Variants in SLC10A7 observed in about 807,000 individuals in gnomAD.
The protein encoded by SLC10A7 is sodium/bile acid cotransporter 7.
In SLC10A7, 29 loss-of-function variants were observed where a neutral mutation model predicts 43.2. That is an observed-to-expected ratio of 0.67 (90% CI 0.50 to 0.92). The LOEUF is 0.92. Among genes scored for constraint, SLC10A7 ranks in the 40% least tolerant of loss-of-function variants. SLC10A7 has a pLI of 0.00. For missense variants in SLC10A7, 295 were observed against 403.2 expected (o/e 0.73, Z 2.30); for synonymous variants, 152 against 144.8 (o/e 1.05, Z -0.35).
chr4:146,334,914 A>G (rs976787055), intron 5 of SLC10A7, among the ~76,000 whole-genome samples: 1 of 152,032 alleles, frequency 6.6e-6, no homozygotes, highest in Non-Finnish European at 1.5e-5. Context: ...GGAAGGGGAA[A>G]GTCAGTGATT....
intron 10 of SLC10A7, among the ~76,000 whole-genome samples, chr4:146,268,455 T>C (rs551307485): frequency 2.0e-5 from 3 of 152,288 alleles, no homozygotes; most frequent in South Asian, 4.1e-4. Flanking sequence ...GAGAGCATTA[T>C]TCATGTTCTA....
rs201948152 is a variant in SLC10A7, at chr4:146,294,038, T to C, written c.613A>G (p.Ile205Val). 6.5e-4 allele frequency: 1,055 copies of C among 1,611,170 alleles called. 12 individuals are homozygous for C. The South Asian group carries it at 7.9e-3, about 12-fold the overall frequency. ...LERKKPPFGAISSSVLLMIIY... is the reference protein window; with the variant it reads ...LERKKPPFGAVSSSVLLMIIY... ...ATCATGAGGAGTACACTGCTGCTGA[T>C]AGCACCAAAAGGAGGCTTCTTTCTC... Residue 205 changes from isoleucine (I) to valine (V), a missense_variant, in exon 8 of 12, where the codon ATC (isoleucine) becomes GTC (valine). Physicochemically the swap from Ile to Val is conservative, Grantham distance 29. Around this residue, in one of 2 missense-constraint regions of SLC10A7, gnomAD observed 242 missense variants for 362.5 expected, o/e 0.67. Transcript: ENST00000335472.
intron 4 of SLC10A7, among the ~76,000 whole-genome samples, chr4:146,501,393 T>G (rs767601108): frequency 3.3e-5 from 5 of 152,182 alleles, no homozygotes; most frequent in Non-Finnish European, 5.9e-5. Context: ...CCTTTCTCCT[T>G]CAGGGCACAT....
At chr4:146,282,540 A>G (rs975164715) in intron 10 of SLC10A7, among the ~76,000 whole-genome samples, 2 of 152,158 alleles carry the variant, frequency 1.3e-5, no homozygotes, top group Non-Finnish European at 2.9e-5. Flanking sequence ...AATGACTTTT[A>G]ATGACTAAAA....
chr4:146,416,222 C>CTCCAAACCCT (rs11283376), intron 5 of SLC10A7, among the ~76,000 whole-genome samples: 26 of 151,974 alleles, frequency 1.7e-4, no homozygotes, highest in African/African-American at 6.0e-4. Flanking sequence ...GAGGCAAAAA[C>CTCCAAACCCT]TCAGTAGGGT....
chr4:146,496,279 G>A (rs551236659), intron 4 of SLC10A7, among the ~76,000 whole-genome samples: 5 of 152,230 alleles, frequency 3.3e-5, no homozygotes, highest in South Asian at 4.1e-4. Flanking sequence ...GCACTAGATT[G>A]TCAGGTCTCA....
intron 6 of SLC10A7, among the ~76,000 whole-genome samples, chr4:146,308,382 T>C (rs561877597): frequency 1.3e-5 from 2 of 152,280 alleles, no homozygotes; most frequent in East Asian, 3.9e-4. Flanking sequence ...GGGAAGTTTC[T>C]GATGCTATGA....
At chr4:146,259,732 G>C (rs1242014052) in intron 10 of SLC10A7, among the ~76,000 whole-genome samples, 3 of 152,204 alleles carry the variant, frequency 2.0e-5, no homozygotes, top group Non-Finnish European at 4.4e-5. Context: ...GCTGCCTATA[G>C]AGCATAATTT....
At chr4:146,274,256 T>A (rs1003894113) in intron 10 of SLC10A7, among the ~76,000 whole-genome samples, 6 of 147,366 alleles carry the variant, frequency 4.1e-5, no homozygotes, top group South Asian at 2.1e-4. Flanking sequence ...CAGGCTGGAG[T>A]GCAGTGCCAT....
In SLC10A7 at chr4:146,418,068, G is replaced by C. The variant is rs1026084306; in HGVS notation, c.435+24715C>G. Reference sequence around the variant, plus strand: ...ATGATCCACAGAAAAGAATAGGGGAGGAAAAGAGATTGAGACCCCACATAA... The same window carrying C: ...ATGATCCACAGAAAAGAATAGGGGACGAAAAGAGATTGAGACCCCACATAA... On this transcript the variant is annotated intron_variant, in intron 5 of 11. Coordinates refer to ENST00000335472, the MANE Select transcript of SLC10A7 (RefSeq NM_001029998.6). Among the ~76,000 whole-genome samples, 4 of 151,936 alleles carry C rather than the reference G, an allele frequency of 2.6e-5. No individual in the cohort carries two copies. In the South Asian group the frequency reaches 8.3e-4, roughly 32 times the overall value.
chr4:146,446,056 C>T (rs1731047700), intron 4 of SLC10A7, among the ~76,000 whole-genome samples: 1 of 152,000 alleles, frequency 6.6e-6, no homozygotes, highest in Non-Finnish European at 1.5e-5. Context: ...GGCCGTGGGT[C>T]CAGGCTTGAG....
At chr4:146,346,229 A>C (rs1734614004) in intron 5 of SLC10A7, among the ~76,000 whole-genome samples, 1 of 152,218 alleles carries the variant, frequency 6.6e-6, no homozygotes, top group Admixed American at 6.5e-5. Flanking sequence ...GTGTGGAATA[A>C]GTTCTGAAAT....
At chr4:146,406,388 A>G (rs1020197359) in intron 5 of SLC10A7, among the ~76,000 whole-genome samples, 3 of 152,170 alleles carry the variant, frequency 2.0e-5, no homozygotes, top group African/African-American at 4.8e-5. Flanking sequence ...CTGAATACCT[A>G]ATATATAAAC....
At chr4:146,402,523 C>T (rs1739291842) in intron 5 of SLC10A7, among the ~76,000 whole-genome samples, 1 of 152,114 alleles carries the variant, frequency 6.6e-6, no homozygotes, top group Admixed American at 6.5e-5. Context: ...GTCCTAACTG[C>T]TTCCTCAGCC....
At chr4:146,377,767 G>T (rs1173475168) in intron 5 of SLC10A7, among the ~76,000 whole-genome samples, 1 of 152,110 alleles carries the variant, frequency 6.6e-6, no homozygotes, top group Non-Finnish European at 1.5e-5. Flanking sequence ...CTCCACAAGG[G>T]CAGAGTCTGC....
At chr4:146,394,601 A>G (rs1738678598) in intron 5 of SLC10A7, among the ~76,000 whole-genome samples, 1 of 152,104 alleles carries the variant, frequency 6.6e-6, no homozygotes, top group African/African-American at 2.4e-5. Context: ...AGCTCAGGCA[A>G]TTCATCCGCC....
At chr4:146,328,540 G>T (rs1359607235) in intron 5 of SLC10A7, among the ~76,000 whole-genome samples, 1 of 152,076 alleles carries the variant, frequency 6.6e-6, no homozygotes, top group Admixed American at 6.5e-5. Context: ...ACAGTGTTGG[G>T]ACTCACTCTG....
chr4:146,398,338 C>A (rs190424953), intron 5 of SLC10A7, among the ~76,000 whole-genome samples: 49 of 152,242 alleles, frequency 3.2e-4, no homozygotes, highest in Admixed American at 6.5e-4. Context: ...GAATGTGTGG[C>A]ATCCATTATA....
chr4:146,404,962 T>TA (rs935864579), intron 5 of SLC10A7, among the ~76,000 whole-genome samples: 1 of 152,200 alleles, frequency 6.6e-6, no homozygotes, highest in African/African-American at 2.4e-5. Context: ...CCATCTCGCC[T>TA]AACCAGTGCA....
Sources: gnomAD v4.1 joint callset for allele counts (sites outside exome capture counted in the v4.1 genomes callset) on GRCh38, gnomAD v4.1.1 for gene constraint, gnomAD v4.1.1 regional missense constraint, MANE v1.5 for transcripts, NCBI Gene and HGNC (gene_info 2026-07-23, HGNC 2026-07-21) for gene names.